DAPK1: variants seen among roughly 807,000 people sequenced by gnomAD.
DAPK1 encodes the protein death associated protein kinase 1, also known as death-associated protein kinase 1.
DAPK1 carries 56 observed loss-of-function variants against 144.9 expected under a neutral mutation model. That is an observed-to-expected ratio of 0.39 (90% confidence interval 0.31 to 0.48). The LOEUF is 0.48. Ranked by LOEUF, DAPK1 falls within the 20% of genes least tolerant of loss-of-function variation. The pLI is 0.95. For missense variants in DAPK1, 1,454 were observed against 1,875.4 expected (o/e 0.78, Z 4.15); for synonymous variants, 690 against 749.0 (o/e 0.92, Z 1.29).
At chr9:87,579,730 G>A (rs12685372) in intron 2 of DAPK1, among the ~76,000 whole-genome samples, 23,550 of 152,076 alleles carry the variant, frequency 0.15, 1,898 homozygotes, top group Admixed American at 0.18. Flanking sequence ...TCAATTCAGG[G>A]AAATCAGCTG....
At chr9:87,642,141 A>G (rs1830120811) in intron 10 of DAPK1, 83 bp downstream of exon 10, 4 of 1,017,814 alleles carry the variant, frequency 3.9e-6, no homozygotes, top group Non-Finnish European at 6.0e-6. Context: ...CTCCTCTGAT[A>G]CTGGTAATAT....
intron 3 of DAPK1, among the ~76,000 whole-genome samples, chr9:87,614,659 G>A (rs1021726980): frequency 1.3e-5 from 2 of 152,188 alleles, no homozygotes; most frequent in Non-Finnish European, 2.9e-5. Context: ...GTGGAATTGC[G>A]GCTTTAGCTG....
chr9:87,547,578 AGTGTGTGT>A (rs61564712), intron 2 of DAPK1, among the ~76,000 whole-genome samples: 1 of 58,796 alleles, frequency 1.7e-5, no homozygotes, highest in African/African-American at 7.9e-5. Context: ...AGAGAGAGAG[AGTGTGTGT>A]GTGTGTGTGT....
chr9:87,588,275 A>G (rs1828004577), intron 2 of DAPK1, among the ~76,000 whole-genome samples: 2 of 152,224 alleles, frequency 1.3e-5, no homozygotes, highest in Admixed American at 6.5e-5. Flanking sequence ...CTTCCTTTCC[A>G]TTCCCTATTA....
At chr9:87,558,915 G>A (rs1208398771) in intron 2 of DAPK1, among the ~76,000 whole-genome samples, 1 of 152,206 alleles carries the variant, frequency 6.6e-6, no homozygotes, top group Non-Finnish European at 1.5e-5. Flanking sequence ...CCTCTACCCA[G>A]TGGGGCATCA....
chr9:87,643,357 T>C lies in DAPK1; in HGVS notation c.919-19T>C, dbSNP rs202047042. 8.2e-4 allele frequency: 1,219 copies of C among 1,481,318 alleles called. 2 individuals carry two copies. The highest frequency in any genetic ancestry group is 1.0e-3 in the Non-Finnish European group (1,147 of 1,105,860). The allele number at this position is 1,481,318 out of a possible 1,614,324, so 91.8% of individuals were successfully genotyped here. On this transcript the variant is annotated intron_variant, in intron 10 of 25. Coordinates refer to ENST00000408954, the MANE Select transcript of DAPK1 (RefSeq NM_004938.4). Reference sequence around the variant, plus strand: ...TCCTCCCCGCCCTCCCTTTTTTTTTTTTTTTTTTTAAAAAAAAGCAATCCG... The same window carrying C: ...TCCTCCCCGCCCTCCCTTTTTTTTTCTTTTTTTTTAAAAAAAAGCAATCCG...
intron 2 of DAPK1, among the ~76,000 whole-genome samples, chr9:87,534,207 C>T (rs1375359595): frequency 6.6e-6 from 1 of 151,490 alleles, no homozygotes; most frequent in Non-Finnish European, 1.5e-5. Context: ...GTGCGATATG[C>T]CACACATATG....
intron 2 of DAPK1, among the ~76,000 whole-genome samples, chr9:87,522,559 C>T (rs1825336608): frequency 6.6e-6 from 1 of 152,134 alleles, no homozygotes; most frequent in East Asian, 1.9e-4. Flanking sequence ...TGTCTGTGAA[C>T]TTCTAGGATT....
rs1218053022 is a variant in DAPK1, at chr9:87,658,046, G to A, written c.1842G>A (p.Leu614=). The A allele has an allele frequency of 2.0e-6, 3 of 1,471,296 alleles. No homozygotes were observed. The highest frequency in any genetic ancestry group is 9.5e-7 in the Non-Finnish European group (1 of 1,050,576). The allele number at this position is 1,471,296 out of a possible 1,614,324, so 91.1% of individuals were successfully genotyped here. The stretch of plus-strand genomic sequence containing the variant: ...CTTCCCAGTATGGGCGAACGCCTCT[G>A]CACCTTGCGGCCAACAACGGAATCC... ...DISNKYGRTP[L]HLAANNGILD... The change falls in exon 18 of 26, where the codon CTG becomes CTA. Residue 614 remains leucine (L), a synonymous_variant. Transcript: ENST00000408954.
chr9:87,589,555 CTT>C (rs5899007), intron 2 of DAPK1, among the ~76,000 whole-genome samples: 1 of 149,066 alleles, frequency 6.7e-6, no homozygotes, highest in Admixed American at 6.7e-5. Flanking sequence ...CCATCAAGTA[CTT>C]TTTTTTTTAT....
At chr9:87,635,774 G>A (rs1268141692) in intron 3 of DAPK1, among the ~76,000 whole-genome samples, 4 of 152,314 alleles carry the variant, frequency 2.6e-5, no homozygotes, top group Non-Finnish European at 2.9e-5. Flanking sequence ...AAGAGAAGGG[G>A]TAACCTTCCG....
intron 3 of DAPK1, among the ~76,000 whole-genome samples, chr9:87,625,745 A>G (rs920088260): frequency 6.6e-6 from 1 of 152,230 alleles, no homozygotes; most frequent in South Asian, 2.1e-4. Flanking sequence ...TTGTTCTCAC[A>G]TTTGGTTTAG....
At chr9:87,561,239 A>AT (rs1271837217) in intron 2 of DAPK1, among the ~76,000 whole-genome samples, 1 of 152,042 alleles carries the variant, frequency 6.6e-6, no homozygotes, top group African/African-American at 2.4e-5. Flanking sequence ...AATACACCAA[A>AT]TATGTGGCCG....
At chr9:87,534,768 C>T (rs1425374975) in intron 2 of DAPK1, among the ~76,000 whole-genome samples, 1 of 151,894 alleles carries the variant, frequency 6.6e-6, no homozygotes, top group Non-Finnish European at 1.5e-5. Context: ...CCTCAGCCTC[C>T]CAAGTAGCTG....
intron 17 of DAPK1, among the ~76,000 whole-genome samples, chr9:87,653,059 A>C (rs1297249467): frequency 1.7e-4 from 17 of 98,396 alleles, no homozygotes; most frequent in Middle Eastern, 6.6e-3. Flanking sequence ...GTGTCCTCCC[A>C]CCTGATCCCA....
chr9:87,605,743 C>T (rs1023244239), intron 3 of DAPK1, among the ~76,000 whole-genome samples: 6 of 152,190 alleles, frequency 3.9e-5, no homozygotes, highest in Admixed American at 2.0e-4. Context: ...CCATGCCCGT[C>T]GGATGTTATT....
In DAPK1 at chr9:87,706,936, G is replaced by A. The variant is rs758356136; in HGVS notation, c.3865G>A (p.Asp1289Asn). 8.1e-6 allele frequency: 13 copies of A among 1,613,386 alleles called. No individual in the cohort carries two copies. The highest frequency in any genetic ancestry group is 5.0e-5 in the Admixed American group (3 of 59,974). ...CAGCATCATGTGCTTCGGGTGTCAC[G>A]ACGTCTACTCACAGGCCAGCCTCGG... ...FSSIMCFGCH[D>N]VYSQASLGMD... The change falls in exon 26 of 26, where the codon GAC (aspartate) becomes AAC (asparagine). Residue 1289 changes from aspartate to asparagine, a missense_variant. Coordinates refer to ENST00000408954, the MANE Select transcript of DAPK1 (RefSeq NM_004938.4). The surrounding 1 kb of genome is among the most constrained non-coding windows in gnomAD (Gnocchi z 9.0).
intron 2 of DAPK1, among the ~76,000 whole-genome samples, chr9:87,539,561 G>A (rs941949084): frequency 6.3e-5 from 7 of 110,380 alleles, no homozygotes; most frequent in Non-Finnish European, 1.2e-4. Context: ...GGGATTACGG[G>A]TGCCTGCCAC....
intron 2 of DAPK1, among the ~76,000 whole-genome samples, chr9:87,536,418 G>A (rs1040957243): frequency 6.6e-6 from 1 of 152,056 alleles, no homozygotes; most frequent in Non-Finnish European, 1.5e-5. Flanking sequence ...GGGGAAATGC[G>A]AAATACTTAA....
Sources: gnomAD v4.1 joint callset for allele counts (sites outside exome capture counted in the v4.1 genomes callset) on GRCh38, gnomAD v4.1.1 for gene constraint, Gnocchi (gnomAD v3.1) non-coding constraint, MANE v1.5 for transcripts, NCBI Gene and HGNC (gene_info 2026-07-23, HGNC 2026-07-21) for gene names.